The following GSG1L variants were observed in gnomAD, a reference collection of about 807,000 sequenced individuals.
GSG1L encodes germ cell-specific gene 1-like protein.
GSG1L carries 24 observed loss-of-function variants against 42.1 expected under a neutral mutation model. The observed-to-expected ratio is 0.57, with a 90% CI of 0.41 to 0.80. GSG1L has a LOEUF of 0.80. GSG1L is among the 30% of genes least tolerant of loss of function. The pLI is 0.00. For synonymous variants in GSG1L, 215 were observed against 203.5 expected (o/e 1.06, Z -0.48); for missense variants, 445 against 472.2 (o/e 0.94, Z 0.53).
chr16:27,813,511 T>C (rs957284943), intron 5 of GSG1L, among the ~76,000 whole-genome samples: 2 of 152,256 alleles, frequency 1.3e-5, no homozygotes, highest in African/African-American at 2.4e-5. Flanking sequence ...TCTTTCCTAA[T>C]GTGAAGAGCG....
chr16:27,822,816 T>C (rs985930240), intron 5 of GSG1L, among the ~76,000 whole-genome samples: 5 of 152,278 alleles, frequency 3.3e-5, no homozygotes, highest in East Asian at 1.9e-4. Flanking sequence ...CCTGCTCTCG[T>C]GGAGTGTGCA....
At chr16:27,974,137 G>C (rs1036591683) in intron 1 of GSG1L, among the ~76,000 whole-genome samples, 2 of 152,162 alleles carry the variant, frequency 1.3e-5, no homozygotes, top group African/African-American at 4.8e-5. Context: ...ACTGGAGGGT[G>C]ATGTCTTCCT....
At chr16:28,056,457 C>A (rs1046313339) in intron 1 of GSG1L, among the ~76,000 whole-genome samples, 17 of 102,298 alleles carry the variant, frequency 1.7e-4, no homozygotes, top group South Asian at 6.5e-4. Flanking sequence ...AACATCACAC[C>A]GGGGCCTGCT....
At chr16:27,988,549 G>C (rs1353411540) in intron 1 of GSG1L, among the ~76,000 whole-genome samples, 2 of 152,080 alleles carry the variant, frequency 1.3e-5, no homozygotes, top group African/African-American at 4.8e-5. Flanking sequence ...CAGTTATAAA[G>C]GATTTGTGGG....
chr16:27,942,568 G>A (rs746064624), intron 2 of GSG1L, among the ~76,000 whole-genome samples: 17 of 152,066 alleles, frequency 1.1e-4, no homozygotes, highest in Non-Finnish European at 1.8e-4. Flanking sequence ...CCTATAAATC[G>A]GTAAGAAAAA....
chr16:27,882,547 T>C (rs1339305768), intron 3 of GSG1L, among the ~76,000 whole-genome samples: 2 of 152,204 alleles, frequency 1.3e-5, no homozygotes, highest in African/African-American at 4.8e-5. Context: ...TTTTGAGCTA[T>C]GTGAAGTTCC....
intron 1 of GSG1L, among the ~76,000 whole-genome samples, chr16:27,964,929 T>C (rs1010131024): frequency 2.6e-5 from 4 of 152,078 alleles, no homozygotes; most frequent in African/African-American, 9.7e-5. Flanking sequence ...ACAAAAAGAG[T>C]ATAATTGAAT....
intron 2 of GSG1L, among the ~76,000 whole-genome samples, chr16:27,936,211 C>T (rs1388903277): frequency 6.6e-6 from 1 of 152,052 alleles, no homozygotes; most frequent in Admixed American, 6.5e-5. Flanking sequence ...AGGAAGGGGA[C>T]TGAGGCTTTC....
chr16:27,997,112 A>G (rs1239576023), intron 1 of GSG1L, among the ~76,000 whole-genome samples: 2 of 152,080 alleles, frequency 1.3e-5, no homozygotes, highest in Non-Finnish European at 2.9e-5. Context: ...TCACTAGGCT[A>G]AAATCAAGGT....
At chr16:27,855,602 C>T (rs1456926888) in intron 3 of GSG1L, among the ~76,000 whole-genome samples, 1 of 151,794 alleles carries the variant, frequency 6.6e-6, no homozygotes, top group Non-Finnish European at 1.5e-5. Flanking sequence ...TGCCTGTAAT[C>T]CCAGCTACTC....
chr16:27,828,719 T>G, intron 5 of GSG1L, 70 bp downstream of exon 5: 6 of 1,463,788 alleles, frequency 4.1e-6, no homozygotes, highest in Non-Finnish European at 5.6e-6. Flanking sequence ...TGGGGCCCGG[T>G]GGCCACTGAG....
chr16:27,964,719 C>A (rs1945559169), intron 1 of GSG1L, among the ~76,000 whole-genome samples: 1 of 152,064 alleles, frequency 6.6e-6, no homozygotes, highest in Admixed American at 6.6e-5. Context: ...ATCTAAAAAA[C>A]AAATAAATTG....
chr16:28,057,745 A>G (rs1054619998), intron 1 of GSG1L, among the ~76,000 whole-genome samples: 2 of 152,136 alleles, frequency 1.3e-5, no homozygotes, highest in Admixed American at 1.3e-4. Context: ...ATCAACCCCA[A>G]CGATGCTATC....
intron 3 of GSG1L, among the ~76,000 whole-genome samples, chr16:27,876,787 C>A (rs1261767879): frequency 6.6e-6 from 1 of 152,198 alleles, no homozygotes; most frequent in African/African-American, 2.4e-5. Context: ...TCAACTCGGT[C>A]CACACTCTTA....
intron 4 of GSG1L, among the ~76,000 whole-genome samples, chr16:27,830,489 A>G (rs1220468878): frequency 6.6e-6 from 1 of 152,250 alleles, no homozygotes; most frequent in Non-Finnish European, 1.5e-5. Context: ...AGGGATCCTC[A>G]AAAGGACCAT....
intron 1 of GSG1L, among the ~76,000 whole-genome samples, chr16:27,974,264 A>G (rs911409418): frequency 6.6e-6 from 1 of 152,178 alleles, no homozygotes; most frequent in Non-Finnish European, 1.5e-5. Context: ...AGGGCCTTCA[A>G]AGAAAAACGT....
intron 4 of GSG1L, among the ~76,000 whole-genome samples, chr16:27,842,108 G>A (rs906037523): frequency 8.9e-4 from 101 of 113,056 alleles, no homozygotes; most frequent in Middle Eastern, 4.9e-3. Flanking sequence ...ACGATGTCGC[G>A]CGTGCCGAAT....
Position 27,996,797 on chromosome 16 carries a change from A to T in GSG1L, c.350-33594T>A, listed in dbSNP as rs185833222. Among the ~76,000 whole-genome samples the T allele has an allele frequency of 1.2e-4, 18 of 152,300 alleles. No homozygotes were observed. In the East Asian group the frequency reaches 3.1e-3, roughly 26 times the overall value. ...TTTCCTTTTTCTTTTTTATTTTTAG[A>T]CAGTGTCTTACTCTGTGCAGTGGCT... On this transcript the variant is annotated intron_variant, in intron 1 of 6. Coordinates refer to ENST00000447459, the MANE Select transcript of GSG1L (RefSeq NM_001109763.2).
At chr16:27,954,044 T>C (rs1346976303) in intron 2 of GSG1L, among the ~76,000 whole-genome samples, 2 of 152,156 alleles carry the variant, frequency 1.3e-5, no homozygotes, top group African/African-American at 2.4e-5. Context: ...GTGTTTTCTA[T>C]TGTGGACCAG....
Sources: gnomAD v4.1 joint callset for allele counts (sites outside exome capture counted in the v4.1 genomes callset) on GRCh38, gnomAD v4.1.1 for gene constraint, MANE v1.5 for transcripts, NCBI Gene and HGNC (gene_info 2026-07-23, HGNC 2026-07-21) for gene names.